Variants in KATNIP observed in about 807,000 individuals in gnomAD.
KATNIP encodes katanin-interacting protein.
A neutral mutation model predicts 174.0 loss-of-function variants in KATNIP; 126 were observed. The ratio of observed to expected loss-of-function variants is 0.72; its 90% CI spans 0.63 to 0.84. The LOEUF (loss-of-function observed/expected upper bound fraction) is 0.84. KATNIP is among the 40% of genes least tolerant of loss of function. The pLI, the probability that KATNIP is intolerant of heterozygous loss-of-function variation, is 0.00. For missense variants in KATNIP, 1,958 were observed against 2,109.7 expected, an observed-to-expected ratio of 0.93 and a Z score of 1.41; for synonymous variants, 810 against 835.7, an observed-to-expected ratio of 0.97 and a Z score of 0.53.
rs961522209 is a variant in KATNIP, at chr16:27,663,032, G to A, written c.540+14297G>A. Among the ~76,000 whole-genome samples the A allele has an allele frequency of 1.9e-4, 29 of 149,286 alleles. 1 individual carries two copies. The highest frequency in any genetic ancestry group is 6.7e-4 in the Admixed American group (10 of 14,968). Reference sequence around the variant, plus strand: ...TTTATTTTTTTTTCAGCTTATTTCTGCTTTCATCTTAATTCCTCTCTTAAA... The same window carrying A: ...TTTATTTTTTTTTCAGCTTATTTCTACTTTCATCTTAATTCCTCTCTTAAA... On this transcript the variant is annotated intron_variant, in intron 6 of 27. Coordinates refer to ENST00000261588, the MANE Select transcript of KATNIP (RefSeq NM_015202.5).
intron 8 of KATNIP, among the ~76,000 whole-genome samples, chr16:27,689,977 C>A (rs950525481): frequency 6.6e-6 from 1 of 152,084 alleles, no homozygotes; most frequent in Non-Finnish European, 1.5e-5. Context: ...ACTGCTTGGT[C>A]ATGATTGCTA....
Position 27,766,469 on chromosome 16 carries a change from C to T in KATNIP, c.3970C>T (p.Arg1324Cys), listed in dbSNP as rs113376536. 2.8e-4 allele frequency: 458 copies of T among 1,611,610 alleles called. No homozygotes were observed. The highest frequency in any genetic ancestry group is 5.7e-4 in the African/African-American group (43 of 75,048). The change falls in exon 20 of 28, where the codon CGC becomes TGC. Residue 1324 changes from arginine to cysteine, a missense_variant. Around this residue, in one of 3 missense-constraint regions of KATNIP, gnomAD observed 383 missense variants for 456.0 expected, o/e 0.84. Coordinates refer to ENST00000261588, the MANE Select transcript of KATNIP (RefSeq NM_015202.5). ...CAATAAATCTCCCGAGGACACCTATCGCGGGGTAAGCTGGGGAGCAGTGGC... is the reference window on the plus strand; with the variant it reads ...CAATAAATCTCCCGAGGACACCTATTGCGGGGTAAGCTGGGGAGCAGTGGC... ...NYNKSPEDTY[R>C]GAKIVHVSLD...
intron 6 of KATNIP, chr16:27,654,737 G>T (rs953388637): frequency 2.1e-5 from 28 of 1,351,806 alleles, no homozygotes; most frequent in Non-Finnish European, 2.5e-5. Flanking sequence ...GGATGTGATG[G>T]TAAGATCAGT....
intron 18 of KATNIP, chr16:27,754,564 G>A (rs1038295508): frequency 6.1e-6 from 2 of 326,344 alleles, no homozygotes; most frequent in African/African-American, 4.3e-5. Context: ...TTGGCACCCA[G>A]AAAGTGTAGA....
At chr16:27,761,856 G>T (rs1032162818) in intron 19 of KATNIP, among the ~76,000 whole-genome samples, 2 of 152,166 alleles carry the variant, frequency 1.3e-5, no homozygotes, top group African/African-American at 4.8e-5. Flanking sequence ...ACACAGCCAT[G>T]GTCTGCATTT....
chr16:27,751,887 G>A lies in KATNIP; in HGVS notation c.3515G>A (p.Arg1172Gln), dbSNP rs774367891. 22 of 1,612,728 alleles carry A rather than the reference G, an allele frequency of 1.4e-5. No individual in the cohort carries two copies. The highest frequency in any genetic ancestry group is 3.3e-5 in the South Asian group (3 of 91,016). The stretch of plus-strand genomic sequence containing the variant: ...ACGGCCGACGGCGAGGGGGATGAGC[G>A]GCCCTTCACCCAGGCTGGCTTGGGG... ...PSTADGEGDE[R>Q]PFTQAGLGAD... is the part of the protein sequence containing the mutation. The change falls in exon 17 of 28, where the codon CGG (arginine) becomes CAG (glutamine). Residue 1172 changes from arginine (R) to glutamine (Q), a missense_variant. By Grantham distance (43) the Arg-to-Gln change is conservative. Transcript: ENST00000261588.
At chr16:27,551,846 CTG>C (rs2089386761) in intron 1 of KATNIP, among the ~76,000 whole-genome samples, 1 of 152,100 alleles carries the variant, frequency 6.6e-6, no homozygotes, top group Non-Finnish European at 1.5e-5. Flanking sequence ...GGGCGAGACT[CTG>C]TCTCAAAAAA....
At chr16:27,569,895 A>G (rs1179862345) in intron 1 of KATNIP, among the ~76,000 whole-genome samples, 1 of 152,084 alleles carries the variant, frequency 6.6e-6, no homozygotes, top group Non-Finnish European at 1.5e-5. Context: ...TTTATGTTTT[A>G]TTTTATTTTA....
chr16:27,661,284 G>C (rs1367849440), intron 6 of KATNIP, among the ~76,000 whole-genome samples: 6 of 152,164 alleles, frequency 3.9e-5, no homozygotes, highest in African/African-American at 1.2e-4. Context: ...GGAATGGTGG[G>C]GATAGTAGCA....
In KATNIP at chr16:27,699,552, G is replaced by A; in HGVS notation, c.1132G>A (p.Ala378Thr). 1 of 1,614,178 alleles carries A rather than the reference G, an allele frequency of 6.2e-7. No individual in the cohort carries two copies. The highest frequency in any genetic ancestry group is 1.1e-5 in the South Asian group (1 of 91,080). Residue 378 changes from alanine to threonine, a missense_variant, in exon 10 of 28, where the codon GCA becomes ACA. Around this residue, in one of 3 missense-constraint regions of KATNIP, gnomAD observed 1,557 missense variants for 1,617.8 expected, o/e 0.96. Coordinates refer to ENST00000261588, the MANE Select transcript of KATNIP (RefSeq NM_015202.5). ...SPLQDAEGPP[A>T]KPWTSLLEEK... Reference sequence around the variant, plus strand: ...CTTCCAGGATGCAGAAGGACCACCAGCAAAACCATGGACCAGTCTGCTGGA... The same window carrying A: ...CTTCCAGGATGCAGAAGGACCACCAACAAAACCATGGACCAGTCTGCTGGA...
intron 15 of KATNIP, among the ~76,000 whole-genome samples, chr16:27,743,599 A>G (rs577461693): frequency 6.6e-6 from 1 of 152,254 alleles, no homozygotes; most frequent in Non-Finnish European, 1.5e-5. Context: ...GGGCCATTGT[A>G]AAAAAGAACT....
intron 1 of KATNIP, among the ~76,000 whole-genome samples, chr16:27,573,694 G>GT (rs1279370436): frequency 4.8e-4 from 73 of 152,316 alleles, no homozygotes; most frequent in African/African-American, 1.7e-3. Context: ...GTCAAATAAT[G>GT]TAAGTGTGTG....
chr16:27,694,699 G>A (rs1453416402), intron 8 of KATNIP, among the ~76,000 whole-genome samples: 1 of 152,054 alleles, frequency 6.6e-6, no homozygotes. Flanking sequence ...AGGAGGCTGA[G>A]GCTCAAGAAT....
intron 20 of KATNIP, among the ~76,000 whole-genome samples, chr16:27,768,183 C>T (rs897869558): frequency 3.3e-5 from 5 of 152,218 alleles, no homozygotes; most frequent in Non-Finnish European, 7.3e-5. Context: ...AAAAGGCCTT[C>T]CCGAGCACCA....
intron 22 of KATNIP, 85 bp downstream of exon 22, chr16:27,771,737 G>A (rs750859919): frequency 7.8e-6 from 11 of 1,406,660 alleles, no homozygotes; most frequent in Admixed American, 3.5e-5. Flanking sequence ...GGTTTCAGGC[G>A]GCCACAGATG....
At chr16:27,659,853 G>C (rs543938852) in intron 6 of KATNIP, among the ~76,000 whole-genome samples, 1 of 152,286 alleles carries the variant, frequency 6.6e-6, no homozygotes, top group Non-Finnish European at 1.5e-5. Flanking sequence ...TGTTCTGTTG[G>C]CCGGTTTGGT....
rs1275893659 is a variant in KATNIP at position 27,778,983 on chromosome 16, A to T, written c.*354A>T. The T allele has an allele frequency of 4.4e-6, 1 of 228,130 alleles. No individual in the cohort carries two copies. The highest frequency in any genetic ancestry group is 2.3e-5 in the African/African-American group (1 of 44,178). 14.1% of individuals were successfully genotyped at this position (228,130 alleles called of 1,614,324 possible). A position where few individuals can be genotyped will look rare whatever the true frequency, so the allele number is the denominator to read the frequency against. On this transcript the variant is annotated 3_prime_UTR_variant, in exon 28 of 28. Transcript: ENST00000261588. ...CAATGACGGGGTGGGGAGGCATCCC[A>T]TCCAGCCTCAGAGGGCCCAGAGAAT...
intron 5 of KATNIP, among the ~76,000 whole-genome samples, chr16:27,638,466 A>G (rs935237104): frequency 3.3e-5 from 5 of 152,134 alleles, no homozygotes; most frequent in South Asian, 2.1e-4. Flanking sequence ...GAGGAAGACA[A>G]TCTTTCTATC....
At chr16:27,732,045 G>T (rs527600165) in intron 14 of KATNIP, among the ~76,000 whole-genome samples, 7 of 152,292 alleles carry the variant, frequency 4.6e-5, no homozygotes, top group Admixed American at 1.3e-4. Context: ...TTCAACAGAG[G>T]CCAGAAATGC....
Sources: gnomAD v4.1 joint callset for allele counts (sites outside exome capture counted in the v4.1 genomes callset) on GRCh38, gnomAD v4.1.1 for gene constraint, gnomAD v4.1.1 regional missense constraint, MANE v1.5 for transcripts, NCBI Gene and HGNC (gene_info 2026-07-23, HGNC 2026-07-21) for gene names.